The following LRRK2 variants were observed in gnomAD, a reference collection of about 807,000 sequenced individuals.
LRRK2 encodes the protein leucine-rich repeat serine/threonine-protein kinase 2.
LRRK2 carries 203 observed loss-of-function variants against 302.6 expected under a neutral mutation model. The ratio of observed to expected loss-of-function variants is 0.67; its 90% CI spans 0.60 to 0.75. The LOEUF (loss-of-function observed/expected upper bound fraction) is 0.75, where lower values mean the gene tolerates loss of function less well. LRRK2 is among the 30% of genes least tolerant of loss of function. The pLI, the probability that LRRK2 is intolerant of heterozygous loss-of-function variation, is 0.00. For synonymous variants in LRRK2, 1,066 were observed against 1,031.9 expected (o/e 1.03, Z -0.63); for missense variants, 2,830 against 2,951.0 (o/e 0.96, Z 0.95).
intron 13 of LRRK2, among the ~76,000 whole-genome samples, chr12:40,263,511 T>G (rs1034554764): frequency 2.0e-5 from 3 of 152,194 alleles, no homozygotes; most frequent in African/African-American, 7.2e-5. Context: ...AAAAAGTGAT[T>G]GTTTGCTACA....
chr12:40,353,063 G>C (rs12811403), intron 44 of LRRK2, among the ~76,000 whole-genome samples: 1 of 151,596 alleles, frequency 6.6e-6, no homozygotes, highest in Non-Finnish European at 1.5e-5. Flanking sequence ...CCACCTCCCA[G>C]ACGGGGCGGC....
chr12:40,329,539 A>G (rs554161108), intron 39 of LRRK2, among the ~76,000 whole-genome samples: 1 of 152,300 alleles, frequency 6.6e-6, no homozygotes, highest in African/African-American at 2.4e-5. Context: ...TGCCATTTAT[A>G]TATTTTTTTA....
chr12:40,353,427 C>T (rs1184056753), intron 44 of LRRK2, among the ~76,000 whole-genome samples: 2 of 151,494 alleles, frequency 1.3e-5, no homozygotes, highest in African/African-American at 4.9e-5. Flanking sequence ...AGACAATGGG[C>T]GGCCGGGCAG....
chr12:40,272,296 T>G (rs1480569294), intron 14 of LRRK2, among the ~76,000 whole-genome samples: 1 of 152,188 alleles, frequency 6.6e-6, no homozygotes, highest in Non-Finnish European at 1.5e-5. Flanking sequence ...TACTAAACTT[T>G]TGGCCTTGAA....
chr12:40,248,675 G>T (rs1401660676), intron 7 of LRRK2, among the ~76,000 whole-genome samples: 1 of 152,126 alleles, frequency 6.6e-6, no homozygotes, highest in East Asian at 1.9e-4. Context: ...TGCATTTAAA[G>T]GCTTTGTATA....
At position 40,225,211 on chromosome 12, in the gene LRRK2, A is replaced by G. The variant is rs1347707737; in HGVS notation, c.80A>G (p.Gln27Arg). 2 of 1,614,116 alleles carry G rather than the reference A, an allele frequency of 1.2e-6. No homozygotes were observed. The highest frequency in any genetic ancestry group is 1.7e-5 in the Admixed American group (1 of 60,010). The change falls in exon 1 of 51, where the codon CAG becomes CGG. Residue 27 changes from glutamine to arginine, a missense_variant. This residue lies in a region of LRRK2 where 2,121 missense variants were observed against 2,148.0 expected (regional missense o/e 0.99). Coordinates refer to ENST00000298910, the MANE Select transcript of LRRK2 (RefSeq NM_198578.4). ...TTGATAGTCAGGCTGAACAATGTCC[A>G]GGAAGGAAAACAGATAGAAACGCTG... ...KKLIVRLNNVQEGKQIETLVQ... is the reference protein window; with the variant it reads ...KKLIVRLNNVREGKQIETLVQ...
intron 27 of LRRK2, chr12:40,305,101 T>G (rs2136789410): frequency 6.6e-6 from 1 of 152,288 alleles, no homozygotes; most frequent in African/African-American, 2.4e-5. Context: ...TTTGCTCCAT[T>G]CTCTCTGTTG....
intron 14 of LRRK2, among the ~76,000 whole-genome samples, chr12:40,265,970 T>C (rs1389648521): frequency 6.6e-6 from 1 of 152,148 alleles, no homozygotes; most frequent in Non-Finnish European, 1.5e-5. Context: ...TGAAACTGGA[T>C]CCCTTCCTTA....
rs1271919678 is a variant in LRRK2, at chr12:40,253,021, G to A, written c.1288+5G>A. The A allele has an allele frequency of 2.5e-6, 4 of 1,579,980 alleles. No homozygotes were observed. Among genetic ancestry groups the A allele is most frequent in the Admixed American group, 1.7e-5 (1 of 59,884 alleles). ...CAACTCTCTTAGAACAAAATGGTAA[G>A]CAGTGGGCCATGTTTTCAAATAAAG... On this transcript the variant is annotated splice_donor_5th_base_variant and intron_variant, in intron 11 of 50. Transcript: ENST00000298910.
At chr12:40,342,885 C>A (rs1946087802) in intron 41 of LRRK2, among the ~76,000 whole-genome samples, 1 of 151,998 alleles carries the variant, frequency 6.6e-6, no homozygotes, top group African/African-American at 2.4e-5. Context: ...GTATTAGGAG[C>A]AGAACCTTCC....
chr12:40,246,711 G>T (rs2136456413), intron 7 of LRRK2, among the ~76,000 whole-genome samples: 1 of 152,228 alleles, frequency 6.6e-6, no homozygotes, highest in African/African-American at 2.4e-5. Flanking sequence ...TGACCTGGGA[G>T]CAGTTTAGGA....
intron 2 of LRRK2, among the ~76,000 whole-genome samples, chr12:40,231,569 A>C (rs1381819771): frequency 3.4e-5 from 4 of 117,896 alleles, no homozygotes; most frequent in African/African-American, 5.8e-5. Context: ...AAAAACAAAA[A>C]CAAAACCAAA....
chr12:40,255,468 G>A (rs1942461651), intron 11 of LRRK2, among the ~76,000 whole-genome samples: 1 of 152,188 alleles, frequency 6.6e-6, no homozygotes, highest in Non-Finnish European at 1.5e-5. Context: ...AAAGTCTAAC[G>A]TGACTTTATG....
At chr12:40,310,358 C>T in intron 30 of LRRK2, 73 bp from the exon 31 acceptor site, 1 of 1,399,690 alleles carries the variant, frequency 7.1e-7, no homozygotes, top group Non-Finnish European at 1.0e-6. Flanking sequence ...TCACGGAAAG[C>T]AAATATCAAC....
chr12:40,238,512 A>G (rs1941574952), intron 5 of LRRK2, among the ~76,000 whole-genome samples: 2 of 152,202 alleles, frequency 1.3e-5, no homozygotes. Context: ...GTCCTTCAGG[A>G]AAAAGACTAA....
chr12:40,275,479 C>T (rs942278305), intron 16 of LRRK2, among the ~76,000 whole-genome samples: 2 of 151,584 alleles, frequency 1.3e-5, no homozygotes, highest in African/African-American at 4.8e-5. Flanking sequence ...AGATACTGGC[C>T]TAGAGTTAGT....
chr12:40,346,686 G>A, intron 41 of LRRK2, 67 bp from the exon 42 acceptor site: 6 of 1,438,686 alleles, frequency 4.2e-6, no homozygotes, highest in Non-Finnish European at 5.8e-6. Context: ...TAGCCTAAGT[G>A]TATGCCTCCT....
intron 30 of LRRK2, 103 bp from the exon 31 acceptor site, chr12:40,310,328 C>A: frequency 9.0e-7 from 1 of 1,106,834 alleles, no homozygotes; most frequent in South Asian, 1.3e-5. Flanking sequence ...GCTAGTTTCT[C>A]TTTTCCATTC....
intron 19 of LRRK2, among the ~76,000 whole-genome samples, chr12:40,286,989 C>T (rs140768336): frequency 6.6e-6 from 1 of 152,112 alleles, no homozygotes; most frequent in East Asian, 1.9e-4. Context: ...TTATCATCTT[C>T]ATTTTCCAGG....
Sources: gnomAD v4.1 joint callset for allele counts (sites outside exome capture counted in the v4.1 genomes callset) on GRCh38, gnomAD v4.1.1 for gene constraint, gnomAD v4.1.1 regional missense constraint, MANE v1.5 for transcripts, NCBI Gene and HGNC (gene_info 2026-07-23, HGNC 2026-07-21) for gene names.